Variants in ZNF713 observed in about 807,000 individuals in gnomAD.
ZNF713 encodes zinc finger protein 713.
A neutral mutation model predicts 28.7 loss-of-function variants in ZNF713; 21 were observed. The observed-to-expected ratio is 0.73, with a 90% CI of 0.52 to 1.05. ZNF713 has a LOEUF of 1.05. Ranked by LOEUF, ZNF713 falls within the 50% of genes least tolerant of loss-of-function variation. The pLI is 0.00. For missense variants in ZNF713, 458 were observed against 532.4 expected, an observed-to-expected ratio of 0.86 and a Z score of 1.37; for synonymous variants, 167 against 178.0, an observed-to-expected ratio of 0.94 and a Z score of 0.49.
chr7:55,903,515 C>G (rs193193114), intron 1 of ZNF713, among the ~76,000 whole-genome samples: 4 of 151,850 alleles, frequency 2.6e-5, no homozygotes, highest in African/African-American at 7.3e-5. Flanking sequence ...GCTAAAAATA[C>G]AAAAATTAGC....
At chr7:55,938,191 G>A (rs1226999720) in intron 6 of ZNF713, among the ~76,000 whole-genome samples, 1 of 152,200 alleles carries the variant, frequency 6.6e-6, no homozygotes, top group South Asian at 2.1e-4. Context: ...GCGATAGAGT[G>A]ATAGAGCGAG....
chr7:55,926,630 T>A (rs1183143751), intron 6 of ZNF713, among the ~76,000 whole-genome samples: 1 of 152,206 alleles, frequency 6.6e-6, no homozygotes, highest in Admixed American at 6.6e-5. Flanking sequence ...TTGCTGGTCC[T>A]TATTTATCTA....
intron 4 of ZNF713, among the ~76,000 whole-genome samples, chr7:55,921,059 T>C (rs1785981712): frequency 6.6e-6 from 1 of 152,186 alleles, no homozygotes; most frequent in Non-Finnish European, 1.5e-5. Context: ...CCAAGGTTCC[T>C]TAAGAATTAT....
chr7:55,899,954 G>A (rs1410516087), intron 1 of ZNF713, among the ~76,000 whole-genome samples: 1 of 151,922 alleles, frequency 6.6e-6, no homozygotes, highest in Non-Finnish European at 1.5e-5. Flanking sequence ...ATGTTGGCCA[G>A]GCTGGTCTTG....
chr7:55,923,957 C>T (rs1386979735), intron 6 of ZNF713: 3 of 264,802 alleles, frequency 1.1e-5, no homozygotes, highest in African/African-American at 2.2e-5. Flanking sequence ...CATTTAAACA[C>T]CCATAAATAT....
rs1255505939 is a variant in ZNF713 at position 55,939,951 on chromosome 7, G to T, written c.1277G>T (p.Cys426Phe). 1 of 1,612,546 alleles carries T rather than the reference G, an allele frequency of 6.2e-7. No homozygotes were observed. Among genetic ancestry groups the T allele is most frequent in the Non-Finnish European group, 8.5e-7 (1 of 1,179,204 alleles). The change falls in exon 7 of 7, where the codon TGT becomes TTT. Residue 426 changes from cysteine to phenylalanine, a missense_variant. Physicochemically the swap from Cys to Phe is radical, Grantham distance 205 (BLOSUM62 -2). Transcript: ENST00000429591. ...AAAATCCATACTCGGGAGAAATTAT[G>T]TGAATATAAATGTGAGCAAACTGTT... ...HRKIHTREKL[C>F]EYKCEQTVRH...
At chr7:55,887,851 CGGCG>C (rs1474044253) in intron 1 of ZNF713, among the ~76,000 whole-genome samples, 171 bp downstream of exon 1, 141 of 7,240 alleles carry the variant, frequency 0.019, 43 homozygotes, top group East Asian at 0.09. Flanking sequence ...GCGGCGGCGG[CGGCG>C]GGCGGCGGGC....
At chr7:55,923,506 T>A in intron 5 of ZNF713, 101 bp from the exon 6 acceptor site, 1 of 1,147,830 alleles carries the variant, frequency 8.7e-7, no homozygotes, top group Non-Finnish European at 1.2e-6. Context: ...GCCTCTGAAG[T>A]CTCCCCTCCA....
At chr7:55,888,559 T>G (rs1413001723) in intron 1 of ZNF713, among the ~76,000 whole-genome samples, 1 of 151,946 alleles carries the variant, frequency 6.6e-6, no homozygotes, top group East Asian at 1.9e-4. Flanking sequence ...TTTGTTGTTG[T>G]TGTTGTTGTT....
At chr7:55,888,397 T>C (rs1475045477) in intron 1 of ZNF713, among the ~76,000 whole-genome samples, 1 of 152,124 alleles carries the variant, frequency 6.6e-6, no homozygotes, top group African/African-American at 2.4e-5. Flanking sequence ...TATGTTTTTG[T>C]TTTGAGACAG....
At chr7:55,934,322 T>G (rs1786301788) in intron 6 of ZNF713, among the ~76,000 whole-genome samples, 1 of 152,006 alleles carries the variant, frequency 6.6e-6, no homozygotes, top group Non-Finnish European at 1.5e-5. Context: ...ACCACCAAAA[T>G]ATTCACAAAA....
At chr7:55,925,960 C>T (rs1786087242) in intron 6 of ZNF713, among the ~76,000 whole-genome samples, 1 of 152,182 alleles carries the variant, frequency 6.6e-6, no homozygotes, top group South Asian at 2.1e-4. Context: ...CCCACACTAT[C>T]TCCTATTGTG....
intron 6 of ZNF713, among the ~76,000 whole-genome samples, chr7:55,930,442 T>C (rs1439843997): frequency 6.6e-6 from 1 of 152,182 alleles, no homozygotes; most frequent in African/African-American, 2.4e-5. Flanking sequence ...GTAGGCTCTT[T>C]GGATGAAAAA....
intron 1 of ZNF713, among the ~76,000 whole-genome samples, chr7:55,898,569 C>T (rs1785516146): frequency 6.6e-6 from 1 of 152,142 alleles, no homozygotes; most frequent in Admixed American, 6.6e-5. Context: ...CATCAGATCT[C>T]GTGAGAATTC....
At chr7:55,925,309 C>G (rs904139276) in intron 6 of ZNF713, among the ~76,000 whole-genome samples, 3 of 152,154 alleles carry the variant, frequency 2.0e-5, no homozygotes, top group African/African-American at 7.2e-5. Context: ...TTTTAATGCT[C>G]TAAGTGATCT....
intron 6 of ZNF713, among the ~76,000 whole-genome samples, chr7:55,935,392 A>G (rs1786325029): frequency 1.3e-5 from 2 of 152,208 alleles, no homozygotes; most frequent in Admixed American, 1.3e-4. Context: ...ACTCATTTAG[A>G]AAGAATATTG....
At chr7:55,892,490 G>A (rs1345441551) in intron 1 of ZNF713, among the ~76,000 whole-genome samples, 3 of 116,082 alleles carry the variant, frequency 2.6e-5, no homozygotes, top group African/African-American at 3.3e-5. Flanking sequence ...AGCATAACAA[G>A]TTTATTTGGT....
intron 6 of ZNF713, 187 bp downstream of exon 6, chr7:55,923,886 A>G: frequency 2.1e-6 from 1 of 475,490 alleles, no homozygotes; most frequent in African/African-American, 1.9e-5. Context: ...CATTGAACAG[A>G]TAATATACAC....
At chr7:55,908,920 G>T (rs183446503) in intron 2 of ZNF713, among the ~76,000 whole-genome samples, 243 of 152,010 alleles carry the variant, frequency 1.6e-3, no homozygotes, top group African/African-American at 5.7e-3. Context: ...TTAAAGATAG[G>T]GGTCCAGGCC....
Sources: gnomAD v4.1 joint callset for allele counts (sites outside exome capture counted in the v4.1 genomes callset) on GRCh38, gnomAD v4.1.1 for gene constraint, MANE v1.5 for transcripts, NCBI Gene and HGNC (gene_info 2026-07-23, HGNC 2026-07-21) for gene names.